ADGRB3: variants seen among roughly 807,000 people sequenced by gnomAD.
ADGRB3 encodes the protein brain-specific angiogenesis inhibitor 3.
Under a neutral mutation model 193.4 loss-of-function variants are expected in ADGRB3, and 37 were observed. The ratio of observed to expected loss-of-function variants is 0.19; its 90% CI spans 0.15 to 0.25. The LOEUF (loss-of-function observed/expected upper bound fraction) is 0.25, where lower values mean the gene tolerates loss of function less well. Among genes scored for constraint, ADGRB3 ranks in the 10% least tolerant of loss-of-function variants. The pLI, the probability that ADGRB3 is intolerant of heterozygous loss-of-function variation, is 1.00. For missense variants in ADGRB3, 1,637 were observed against 1,852.9 expected (o/e 0.88, Z 2.14); for synonymous variants, 690 against 644.2 (o/e 1.07, Z -1.08).
chr6:69,211,569 G>C (rs1176735034), intron 17 of ADGRB3, among the ~76,000 whole-genome samples: 3 of 152,116 alleles, frequency 2.0e-5, no homozygotes, highest in Non-Finnish European at 4.4e-5. Context: ...TGAGCTTAAA[G>C]AGGCCAACTC....
intron 15 of ADGRB3, among the ~76,000 whole-genome samples, chr6:69,057,733 CTGAT>C (rs1236996075): frequency 6.6e-6 from 1 of 152,090 alleles, no homozygotes; most frequent in South Asian, 2.1e-4. Flanking sequence ...ATGTATTACA[CTGAT>C]TGATTCTCAT....
chr6:68,867,572 C>T (rs964791126), intron 3 of ADGRB3, among the ~76,000 whole-genome samples: 5 of 152,258 alleles, frequency 3.3e-5, no homozygotes, highest in African/African-American at 9.6e-5. Flanking sequence ...AGCCACCATT[C>T]TCCAGACCCC....
At chr6:68,844,585 G>C (rs1341953110) in intron 3 of ADGRB3, among the ~76,000 whole-genome samples, 5 of 152,098 alleles carry the variant, frequency 3.3e-5, no homozygotes, top group Non-Finnish European at 7.4e-5. Context: ...GCAGTGTGGA[G>C]GTTTCTCTAA....
chr6:69,228,139 C>T (rs1371891583), intron 17 of ADGRB3, among the ~76,000 whole-genome samples: 2 of 152,146 alleles, frequency 1.3e-5, no homozygotes, highest in Non-Finnish European at 2.9e-5. Context: ...TGCCTGTAAT[C>T]CCAGCTACTC....
At chr6:69,105,011 T>C (rs1462820500) in intron 17 of ADGRB3, among the ~76,000 whole-genome samples, 1 of 152,192 alleles carries the variant, frequency 6.6e-6, no homozygotes, top group Non-Finnish European at 1.5e-5. Flanking sequence ...GCAAATGACT[T>C]AATAATTGAT....
intron 3 of ADGRB3, among the ~76,000 whole-genome samples, chr6:68,815,407 G>A (rs1034557676): frequency 1.3e-5 from 2 of 152,042 alleles, no homozygotes; most frequent in Admixed American, 6.6e-5. Flanking sequence ...AACCAAAATT[G>A]TCTAACATTT....
At chr6:68,829,091 CTTTTTTTTTTTTTTT>C (rs70987436) in intron 3 of ADGRB3, among the ~76,000 whole-genome samples, 6 of 94,656 alleles carry the variant, frequency 6.3e-5, no homozygotes, top group Admixed American at 1.3e-4. Flanking sequence ...GTTTAAGTAA[CTTTTTTTTTTTTTTT>C]TTTTTTTTTT....
At chr6:68,783,754 T>TGTCCC in intron 3 of ADGRB3, among the ~76,000 whole-genome samples, 1 of 152,016 alleles carries the variant, frequency 6.6e-6, no homozygotes, top group East Asian at 1.9e-4. Flanking sequence ...TGGAGAGTCC[T>TGTCCC]AATCAGTTTT....
intron 20 of ADGRB3, among the ~76,000 whole-genome samples, chr6:69,246,391 C>T (rs764536221): frequency 1.1e-4 from 17 of 152,100 alleles, no homozygotes; most frequent in Non-Finnish European, 2.2e-4. Flanking sequence ...AACTTGGTTC[C>T]GTTTTGAAGT....
In ADGRB3 at chr6:68,801,611, C is replaced by T. The variant is rs184388330; in HGVS notation, c.758-128948C>T. On this transcript the variant is annotated intron_variant, in intron 3 of 31. Coordinates refer to ENST00000370598, the MANE Select transcript of ADGRB3 (RefSeq NM_001704.3). ...GGCTGAGGCAAGAGAATCGTTTGAA[C>T]GCGGGAGGCAGAGGTTACGGTGAGC... Among the ~76,000 whole-genome samples, 76 of 152,198 alleles carry T rather than the reference C, an allele frequency of 5.0e-4. 1 individual carries two copies. In the East Asian group the frequency reaches 9.6e-3, roughly 19 times the overall value.
intron 3 of ADGRB3, among the ~76,000 whole-genome samples, chr6:68,902,067 T>C (rs918727736): frequency 3.9e-5 from 6 of 152,112 alleles, no homozygotes; most frequent in African/African-American, 1.4e-4. Flanking sequence ...AAACCTTTTA[T>C]CACTAGTGGC....
intron 3 of ADGRB3, among the ~76,000 whole-genome samples, chr6:68,639,890 C>A (rs1768042789): frequency 6.6e-6 from 1 of 152,136 alleles, no homozygotes; most frequent in Non-Finnish European, 1.5e-5. Context: ...CACTCCCCAC[C>A]CATTTCCAGG....
chr6:69,299,245 T>A (rs565201106), intron 20 of ADGRB3, among the ~76,000 whole-genome samples: 1 of 151,946 alleles, frequency 6.6e-6, no homozygotes, highest in African/African-American at 2.4e-5. Flanking sequence ...TCTTTTGGGT[T>A]TTTTGTTTTG....
At chr6:68,836,269 G>A (rs1415331454) in intron 3 of ADGRB3, among the ~76,000 whole-genome samples, 1 of 151,894 alleles carries the variant, frequency 6.6e-6, no homozygotes. Flanking sequence ...TCTAGGCAAG[G>A]GGCGCTGGTG....
intron 17 of ADGRB3, among the ~76,000 whole-genome samples, chr6:69,228,919 GA>G (rs1766077757): frequency 1.3e-5 from 2 of 152,110 alleles, no homozygotes; most frequent in Non-Finnish European, 2.9e-5. Context: ...TAAGTGTTTG[GA>G]AAAGATCAGT....
rs1401607329 is a variant in ADGRB3 at position 68,993,758 on chromosome 6, A to G, written c.1735-10A>G. ...TTCTGATGTTTGCTCTGTTCTTTTGACCATCACAGATTAAAGAGCACCTTG... is the reference window on the plus strand; with the variant it reads ...TTCTGATGTTTGCTCTGTTCTTTTGGCCATCACAGATTAAAGAGCACCTTG... On this transcript the variant is annotated splice_polypyrimidine_tract_variant and intron_variant, in intron 10 of 31. Transcript: ENST00000370598. 1 of 1,610,132 alleles carries G rather than the reference A, an allele frequency of 6.2e-7. No homozygotes were observed. The highest frequency in any genetic ancestry group is 8.5e-7 in the Non-Finnish European group (1 of 1,177,520).
At chr6:68,875,732 A>C (rs566426) in intron 3 of ADGRB3, among the ~76,000 whole-genome samples, 48,074 of 151,400 alleles carry the variant, frequency 0.32, 8,218 homozygotes, top group East Asian at 0.59. Flanking sequence ...TTAATCACAT[A>C]AAAAAAATAA....
chr6:68,839,400 C>T (rs189235735), intron 3 of ADGRB3, among the ~76,000 whole-genome samples: 2 of 152,122 alleles, frequency 1.3e-5, no homozygotes, highest in African/African-American at 4.8e-5. Flanking sequence ...TCAAAAGAGC[C>T]GTATGCCAAA....
intron 3 of ADGRB3, among the ~76,000 whole-genome samples, chr6:68,909,037 C>G (rs1172315817): frequency 6.6e-6 from 1 of 152,038 alleles, no homozygotes; most frequent in African/African-American, 2.4e-5. Flanking sequence ...AAATGGTGCC[C>G]TTTTTTCCTT....
Sources: gnomAD v4.1 joint callset for allele counts (sites outside exome capture counted in the v4.1 genomes callset) on GRCh38, gnomAD v4.1.1 for gene constraint, MANE v1.5 for transcripts, NCBI Gene and HGNC (gene_info 2026-07-23, HGNC 2026-07-21) for gene names.